Variants in GPC5 observed in about 807,000 individuals in gnomAD.
GPC5 encodes the protein glypican 5, also known as glypican-5.
Under a neutral mutation model 53.9 loss-of-function variants are expected in GPC5, and 47 were observed. The observed-to-expected ratio is 0.87, with a 90% CI of 0.69 to 1.11. The LOEUF (loss-of-function observed/expected upper bound fraction) is 1.11, where lower values mean the gene tolerates loss of function less well. GPC5 is among the 50% of genes most tolerant of loss of function. The probability of loss-of-function intolerance (pLI) is 0.00; values close to 1 mark genes in which losing one functional copy is unlikely to be tolerated. For missense variants in GPC5, 748 were observed against 713.1 expected, an observed-to-expected ratio of 1.05 and a Z score of -0.56; for synonymous variants, 286 against 263.3, an observed-to-expected ratio of 1.09 and a Z score of -0.84.
intron 7 of GPC5, among the ~76,000 whole-genome samples, chr13:92,576,599 C>G (rs981631928): frequency 6.6e-6 from 1 of 152,112 alleles, no homozygotes; most frequent in Non-Finnish European, 1.5e-5. Flanking sequence ...AACCCTGTAA[C>G]TCTAAGAAAA....
At chr13:91,610,819 G>A (rs1188540290) in intron 2 of GPC5, among the ~76,000 whole-genome samples, 2 of 152,128 alleles carry the variant, frequency 1.3e-5, no homozygotes. Context: ...GTGGGCAAAG[G>A]TTGTTATGTT....
At chr13:92,681,425 C>G (rs1887107673) in intron 7 of GPC5, among the ~76,000 whole-genome samples, 1 of 151,826 alleles carries the variant, frequency 6.6e-6, no homozygotes, top group Middle Eastern at 3.2e-3. Context: ...CCCAACTCAC[C>G]CCACCACTCC....
intron 7 of GPC5, chr13:92,339,924 C>CA (rs1432200775): frequency 2.2e-4 from 34 of 152,024 alleles, no homozygotes; most frequent in Admixed American, 2.1e-3. Context: ...TAAATGCACA[C>CA]ACGTAAACTT....
intron 7 of GPC5, among the ~76,000 whole-genome samples, chr13:92,339,388 T>G (rs1162195347): frequency 6.6e-6 from 1 of 152,054 alleles, no homozygotes; most frequent in African/African-American, 2.4e-5. Context: ...CTTGTGTATT[T>G]GAGTAATCAA....
At chr13:92,829,016 A>T (rs974495501) in intron 7 of GPC5, among the ~76,000 whole-genome samples, 4 of 152,216 alleles carry the variant, frequency 2.6e-5, no homozygotes, top group Admixed American at 6.5e-5. Context: ...AACCATTTTT[A>T]AAAATGAAAT....
chr13:92,316,491 T>C (rs2043180185), intron 7 of GPC5, among the ~76,000 whole-genome samples: 1 of 152,118 alleles, frequency 6.6e-6, no homozygotes, highest in South Asian at 2.1e-4. Context: ...TGATAGCTGC[T>C]TAAGTATCTA....
At chr13:91,437,486 C>A (rs1265152437) in intron 1 of GPC5, among the ~76,000 whole-genome samples, 1 of 152,152 alleles carries the variant, frequency 6.6e-6, no homozygotes, top group African/African-American at 2.4e-5. Context: ...GTTGAAAATT[C>A]TTTTCTTTAA....
At chr13:91,977,410 C>G (rs1217134491) in intron 6 of GPC5, among the ~76,000 whole-genome samples, 1 of 152,130 alleles carries the variant, frequency 6.6e-6, no homozygotes, top group Non-Finnish European at 1.5e-5. Flanking sequence ...ATTGAAGACA[C>G]CCTTTTTAGA....
intron 7 of GPC5, among the ~76,000 whole-genome samples, chr13:92,613,081 C>A (rs1413153748): frequency 6.7e-6 from 1 of 149,936 alleles, no homozygotes; most frequent in Non-Finnish European, 1.5e-5. Context: ...CCTAAATGAT[C>A]GAGACTTTGA....
intron 2 of GPC5, among the ~76,000 whole-genome samples, chr13:91,536,687 T>A (rs1886605678): frequency 6.6e-6 from 1 of 152,174 alleles, no homozygotes; most frequent in Non-Finnish European, 1.5e-5. Context: ...TGCATGCCTG[T>A]GTCTATATAA....
chr13:91,965,674 C>T (rs1406910988), intron 6 of GPC5, among the ~76,000 whole-genome samples: 1 of 152,120 alleles, frequency 6.6e-6, no homozygotes, highest in African/African-American at 2.4e-5. Flanking sequence ...AAAGGAAAAT[C>T]AGCAACCAGA....
intron 7 of GPC5, among the ~76,000 whole-genome samples, chr13:92,178,085 C>T (rs139852159): frequency 5.3e-5 from 8 of 152,252 alleles, no homozygotes; most frequent in East Asian, 1.9e-4. Context: ...ATTCCTGATA[C>T]GAGTTAGGCT....
intron 1 of GPC5, among the ~76,000 whole-genome samples, chr13:91,428,037 C>T (rs932563491): frequency 6.6e-6 from 1 of 152,172 alleles, no homozygotes; most frequent in Non-Finnish European, 1.5e-5. Context: ...TCAATTAAAC[C>T]TCTCGTCTAT....
intron 6 of GPC5, chr13:91,994,478 CAT>C (rs1220825443): frequency 6.6e-6 from 1 of 152,098 alleles, no homozygotes; most frequent in African/African-American, 2.4e-5. Context: ...AAGAAGGAAT[CAT>C]ACAGCTTTAA....
At chr13:92,506,574 C>T (rs1042971322) in intron 7 of GPC5, among the ~76,000 whole-genome samples, 1 of 152,044 alleles carries the variant, frequency 6.6e-6, no homozygotes, top group Admixed American at 6.6e-5. Context: ...AACAGTTAAC[C>T]AAACTTATAA....
chr13:91,445,824 G>A (rs944277660), intron 1 of GPC5, among the ~76,000 whole-genome samples: 3 of 152,136 alleles, frequency 2.0e-5, no homozygotes, highest in African/African-American at 7.2e-5. Context: ...AATATTTTCA[G>A]ACTGTGACTG....
chr13:92,561,057 T>A (rs1453613524), intron 7 of GPC5, among the ~76,000 whole-genome samples: 1 of 151,870 alleles, frequency 6.6e-6, no homozygotes, highest in South Asian at 2.1e-4. Context: ...TGGACCACAT[T>A]TGTGGAATGA....
At chr13:91,676,227 C>A (rs530558023) in intron 2 of GPC5, among the ~76,000 whole-genome samples, 1 of 152,096 alleles carries the variant, frequency 6.6e-6, no homozygotes, top group Non-Finnish European at 1.5e-5. Context: ...CCCGCCACCA[C>A]GCCTGACTAA....
At chr13:91,432,207 GTGTGTGTGTGTGTGTGTGTGT>G (rs1879523826) in intron 1 of GPC5, among the ~76,000 whole-genome samples, 1 of 121,546 alleles carries the variant, frequency 8.2e-6, no homozygotes, top group Non-Finnish European at 1.7e-5. Context: ...CTGCTGCTGT[GTGTGTGTGTGTGTGTGTGTGT>G]GTGTGTGTGT....
Sources: gnomAD v4.1 joint callset for allele counts (sites outside exome capture counted in the v4.1 genomes callset) on GRCh38, gnomAD v4.1.1 for gene constraint, MANE v1.5 for transcripts, NCBI Gene and HGNC (gene_info 2026-07-23, HGNC 2026-07-21) for gene names.